CNTNAP5: variants seen among roughly 807,000 people sequenced by gnomAD.
The protein encoded by CNTNAP5 is contactin associated protein family member 5.
A neutral mutation model predicts 150.2 loss-of-function variants in CNTNAP5; 72 were observed. That is an observed-to-expected ratio of 0.48 (90% CI 0.40 to 0.58). The LOEUF is 0.58. Ranked by LOEUF, CNTNAP5 falls within the 20% of genes least tolerant of loss-of-function variation. CNTNAP5 has a pLI of 0.00. For synonymous variants in CNTNAP5, 672 were observed against 619.8 expected, an observed-to-expected ratio of 1.08 and a Z score of -1.25; for missense variants, 1,636 against 1,626.2, an observed-to-expected ratio of 1.01 and a Z score of -0.10.
rs1302220367 is a variant in CNTNAP5 at position 124,772,820 on chromosome 2, C to G, written c.2555C>G (p.Ala852Gly). 6.2e-7 allele frequency: 1 copy of G among 1,613,512 alleles called. No individual in the cohort carries two copies. The highest frequency in any genetic ancestry group is 2.2e-5 in the East Asian group (1 of 44,868). ...EISSPSEITF[A>G]IDVGNGPVEL... ...TCAGCTCCTTCAGAGATCACCTTTG[C>G]CATCGATGTTGGGAATGGTCCTGTG... is the stretch of plus-strand genomic sequence containing the variant. The change falls in exon 17 of 24, where the codon GCC (alanine) becomes GGC (glycine). Residue 852 changes from alanine to glycine, a missense_variant. By Grantham distance (60) the Ala-to-Gly change is moderately conservative. Transcript: ENST00000682447.
chr2:124,465,277 C>G (rs1280740262), intron 6 of CNTNAP5, among the ~76,000 whole-genome samples: 1 of 152,106 alleles, frequency 6.6e-6, no homozygotes, highest in Non-Finnish European at 1.5e-5. Flanking sequence ...AACAGTAAAT[C>G]CAGCAAGTTA....
intron 1 of CNTNAP5, among the ~76,000 whole-genome samples, chr2:124,215,825 G>A (rs955020488): frequency 3.3e-5 from 5 of 150,938 alleles, no homozygotes; most frequent in East Asian, 1.9e-4. Flanking sequence ...CTTTCACTTC[G>A]CAGAAAAAAG....
At chr2:124,897,949 G>A (rs887993388) in intron 21 of CNTNAP5, among the ~76,000 whole-genome samples, 1 of 149,258 alleles carries the variant, frequency 6.7e-6, no homozygotes, top group Non-Finnish European at 1.5e-5. Flanking sequence ...GTGTGTGTGT[G>A]TGTGTGTGTG....
intron 19 of CNTNAP5, among the ~76,000 whole-genome samples, chr2:124,823,819 G>A (rs1231252452): frequency 6.6e-6 from 1 of 152,132 alleles, no homozygotes; most frequent in Non-Finnish European, 1.5e-5. Flanking sequence ...CTGCCAAGTA[G>A]GTATCTGGTG....
chr2:124,513,156 C>G (rs1480813124), intron 8 of CNTNAP5, among the ~76,000 whole-genome samples: 2 of 152,196 alleles, frequency 1.3e-5, no homozygotes, highest in African/African-American at 4.8e-5. Context: ...TTGGAGGCTA[C>G]AAATCCAGGA....
chr2:124,102,756 A>G (rs1362429033), intron 1 of CNTNAP5, among the ~76,000 whole-genome samples: 2 of 152,184 alleles, frequency 1.3e-5, no homozygotes, highest in Non-Finnish European at 2.9e-5. Flanking sequence ...GCTTCGGTCT[A>G]TATCTATGAA....
rs1682116918 is a variant in CNTNAP5, at chr2:124,807,984, A to T, written c.3217+9664A>T. Among the ~76,000 whole-genome samples, 4 of 152,306 alleles carry T rather than the reference A, an allele frequency of 2.6e-5. No homozygotes were observed. In the South Asian group the frequency reaches 8.3e-4, roughly 32 times the overall value. The stretch of plus-strand genomic sequence containing the variant: ...TTTGTACTTTGATGCACAAGGAAGC[A>T]CACAGGACTAACAAGTCAAGAAAAA... On this transcript the variant is annotated intron_variant, in intron 19 of 23. Transcript: ENST00000682447.
intron 1 of CNTNAP5, among the ~76,000 whole-genome samples, chr2:124,174,017 A>T (rs532074133): frequency 6.6e-6 from 1 of 152,052 alleles, no homozygotes; most frequent in South Asian, 2.1e-4. Flanking sequence ...CTTGTGCCTC[A>T]TAAATGGAAC....
intron 1 of CNTNAP5, among the ~76,000 whole-genome samples, chr2:124,109,205 C>A (rs961019880): frequency 6.6e-6 from 1 of 152,108 alleles, no homozygotes; most frequent in Admixed American, 6.5e-5. Flanking sequence ...ACTGATGTCC[C>A]AGGGGAAAAA....
At chr2:124,489,513 A>G (rs555005659) in intron 7 of CNTNAP5, among the ~76,000 whole-genome samples, 18 of 152,320 alleles carry the variant, frequency 1.2e-4, no homozygotes, top group African/African-American at 4.1e-4. Context: ...ATTCTGAGGT[A>G]CTGGGGGCTG....
At position 124,088,425 on chromosome 2, in the gene CNTNAP5, A is replaced by G. The variant is rs7593344; in HGVS notation, c.82+62693A>G. On this transcript the variant is annotated intron_variant, in intron 1 of 23. Coordinates refer to ENST00000682447, the MANE Select transcript of CNTNAP5 (RefSeq NM_001367498.1). ...TTTTAAATTTTTGTCAGCTTATTCT[A>G]TCTTTCATTTTGATGTATGCATTTA... Among the ~76,000 whole-genome samples, 597 of 152,056 alleles carry G rather than the reference A, an allele frequency of 3.9e-3. 4 individuals are homozygous for G. The highest frequency in any genetic ancestry group is 0.014 in the African/African-American group (580 of 41,486).
chr2:124,241,366 C>T (rs1285058000), intron 2 of CNTNAP5, among the ~76,000 whole-genome samples: 5 of 151,916 alleles, frequency 3.3e-5, no homozygotes, highest in Admixed American at 2.6e-4. Context: ...CTCTGTCATG[C>T]CTCTGAGATT....
chr2:124,587,525 C>G (rs4592856), intron 11 of CNTNAP5, among the ~76,000 whole-genome samples: 75,419 of 151,938 alleles, frequency 0.5, 19,173 homozygotes, highest in East Asian at 0.72. Context: ...ATATGTCCCT[C>G]TGCCAAACTT....
intron 10 of CNTNAP5, among the ~76,000 whole-genome samples, chr2:124,561,562 T>C (rs1179734637): frequency 6.6e-6 from 1 of 152,168 alleles, no homozygotes; most frequent in East Asian, 1.9e-4. Flanking sequence ...TTGTTTTGTG[T>C]GAATACATCC....
At chr2:124,236,534 T>C (rs1159265513) in intron 2 of CNTNAP5, among the ~76,000 whole-genome samples, 1 of 152,190 alleles carries the variant, frequency 6.6e-6, no homozygotes, top group Non-Finnish European at 1.5e-5. Flanking sequence ...GTTATTACTC[T>C]TACACATACT....
intron 13 of CNTNAP5, among the ~76,000 whole-genome samples, chr2:124,652,873 T>C (rs953857251): frequency 1.3e-5 from 2 of 152,214 alleles, no homozygotes; most frequent in Admixed American, 6.5e-5. Flanking sequence ...AGTAAAGCTG[T>C]GACCTCTTGC....
chr2:124,211,662 A>C (rs1686016414), intron 1 of CNTNAP5, among the ~76,000 whole-genome samples: 1 of 152,190 alleles, frequency 6.6e-6, no homozygotes, highest in Admixed American at 6.5e-5. Flanking sequence ...GTACACGTTT[A>C]ACCCATCCAC....
chr2:124,210,995 G>A (rs940768506), intron 1 of CNTNAP5, among the ~76,000 whole-genome samples: 1 of 152,102 alleles, frequency 6.6e-6, no homozygotes, highest in African/African-American at 2.4e-5. Flanking sequence ...TTATGTATCA[G>A]ATAGCATGAT....
intron 3 of CNTNAP5, among the ~76,000 whole-genome samples, chr2:124,266,178 C>G (rs1318313714): frequency 6.6e-6 from 1 of 152,150 alleles, no homozygotes; most frequent in South Asian, 2.1e-4. Context: ...AAGGGCCCAT[C>G]CAATGGCCAT....
Sources: gnomAD v4.1 joint callset for allele counts (sites outside exome capture counted in the v4.1 genomes callset) on GRCh38, gnomAD v4.1.1 for gene constraint, MANE v1.5 for transcripts, NCBI Gene and HGNC (gene_info 2026-07-23, HGNC 2026-07-21) for gene names.